The following NKAIN2 variants were observed in gnomAD, a reference collection of about 807,000 sequenced individuals.
NKAIN2 encodes the protein sodium/potassium-transporting ATPase subunit beta-1-interacting protein 2.
A neutral mutation model predicts 32.6 loss-of-function variants in NKAIN2; 14 were observed. The observed-to-expected ratio is 0.43, with a 90% CI of 0.28 to 0.67. NKAIN2 has a LOEUF of 0.67. Among genes scored for constraint, NKAIN2 ranks in the 30% least tolerant of loss-of-function variants. The pLI is 0.17. For synonymous variants in NKAIN2, 80 were observed against 87.2 expected, an observed-to-expected ratio of 0.92 and a Z score of 0.46; for missense variants, 198 against 258.3, an observed-to-expected ratio of 0.77 and a Z score of 1.60.
chr6:124,633,298 A>G (rs1783644336), intron 3 of NKAIN2, among the ~76,000 whole-genome samples: 1 of 152,208 alleles, frequency 6.6e-6, no homozygotes, highest in Non-Finnish European at 1.5e-5. Context: ...TTGTTGTAGC[A>G]TACACTAGGT....
At chr6:124,414,910 T>A (rs943984035) in intron 3 of NKAIN2, among the ~76,000 whole-genome samples, 8 of 152,240 alleles carry the variant, frequency 5.3e-5, no homozygotes, top group South Asian at 2.1e-4. Context: ...ACTGAATATT[T>A]ATAATATTAT....
intron 1 of NKAIN2, among the ~76,000 whole-genome samples, chr6:124,186,751 T>A (rs1040161606): frequency 6.6e-6 from 1 of 152,200 alleles, no homozygotes; most frequent in Non-Finnish European, 1.5e-5. Flanking sequence ...GTCCATGTAT[T>A]CATTTTAAAT....
At chr6:124,360,045 C>T (rs1184735994) in intron 3 of NKAIN2, among the ~76,000 whole-genome samples, 4 of 151,988 alleles carry the variant, frequency 2.6e-5, no homozygotes, top group East Asian at 3.9e-4. Context: ...TGGTTTTTGT[C>T]GTTGGTTCTG....
intron 1 of NKAIN2, among the ~76,000 whole-genome samples, chr6:124,005,329 G>T (rs1313224292): frequency 6.6e-6 from 1 of 151,940 alleles, no homozygotes; most frequent in Non-Finnish European, 1.5e-5. Flanking sequence ...TGTTAATATT[G>T]TTCCTAAAAA....
At chr6:124,477,184 T>C (rs1777253082) in intron 3 of NKAIN2, among the ~76,000 whole-genome samples, 1 of 152,178 alleles carries the variant, frequency 6.6e-6, no homozygotes, top group African/African-American at 2.4e-5. Context: ...AAGGAGAATA[T>C]AAGAGCTATT....
rs746739888 is a variant in NKAIN2 at position 124,659,415 on chromosome 6, TAA to T, written c.474+1039_474+1040del. On this transcript the variant is annotated intron_variant, in intron 4 of 6. Transcript: ENST00000368417. ...GAGAAACATAAAATTCTTCTGGAATTAAAAAAAAAAACTATGTGAGTGTGTCA... is the reference window on the plus strand; with the variant it reads ...GAGAAACATAAAATTCTTCTGGAATTAAAAAAAAACTATGTGAGTGTGTCA... 3.4e-5 allele frequency among the ~76,000 whole-genome samples: 5 copies of T among 147,028 alleles called. No individual in the cohort carries two copies. The Admixed American group carries it at 3.4e-4, about 10-fold the overall frequency.
chr6:124,802,708 G>A (rs1449999251), intron 5 of NKAIN2, among the ~76,000 whole-genome samples: 4 of 152,234 alleles, frequency 2.6e-5, no homozygotes, highest in South Asian at 2.1e-4. Flanking sequence ...TCTCTAAGAT[G>A]CCCAGTTCTG....
At chr6:124,531,219 C>A (rs1324174686) in intron 3 of NKAIN2, among the ~76,000 whole-genome samples, 1 of 152,182 alleles carries the variant, frequency 6.6e-6, no homozygotes, top group Non-Finnish European at 1.5e-5. Context: ...ATGTTTGTTG[C>A]TTAAGCCACC....
rs1781500377 is a variant in NKAIN2 at position 124,824,103 on chromosome 6, C to T, written c.*874C>T. The stretch of plus-strand genomic sequence containing the variant: ...GGGTGGGACAGAGTAAAACATTAAT[C>T]TACTAAACTCACTAATCTACTGGAA... On this transcript the variant is annotated 3_prime_UTR_variant, in exon 7 of 7. Coordinates refer to ENST00000368417, the MANE Select transcript of NKAIN2 (RefSeq NM_001040214.3). 6.6e-6 allele frequency: 1 copy of T among 152,300 alleles called. No homozygotes were observed. Among genetic ancestry groups the T allele is most frequent in the Non-Finnish European group, 1.5e-5 (1 of 68,034 alleles). 9.4% of individuals were successfully genotyped at this position (152,300 alleles called of 1,614,324 possible). A position where few individuals can be genotyped will look rare whatever the true frequency, so the allele number is the denominator to read the frequency against.
chr6:124,352,170 G>T (rs975970195), intron 2 of NKAIN2, among the ~76,000 whole-genome samples: 4 of 152,134 alleles, frequency 2.6e-5, no homozygotes, highest in Non-Finnish European at 5.9e-5. Flanking sequence ...GTTAGGTTCT[G>T]TGTTCTCATT....
chr6:124,406,199 T>C (rs1773853848), intron 3 of NKAIN2, among the ~76,000 whole-genome samples: 1 of 152,156 alleles, frequency 6.6e-6, no homozygotes. Flanking sequence ...GAAAAATTTC[T>C]ACATATGCCT....
rs139804517 is a variant in NKAIN2, at chr6:124,691,806, C to T, written c.474+33420C>T. Among the ~76,000 whole-genome samples, 728 of 152,266 alleles carry T rather than the reference C, an allele frequency of 4.8e-3. 5 individuals carry two copies. The highest frequency in any genetic ancestry group is 0.017 in the African/African-American group (697 of 41,546). ...TCTCACACCACCTCCTCCTACAACA[C>T]AGAATAAGCATAGCCAGGAAATTAA... is the stretch of plus-strand genomic sequence containing the variant. On this transcript the variant is annotated intron_variant, in intron 4 of 6. Transcript: ENST00000368417.
At chr6:124,028,603 G>A (rs1253365157) in intron 1 of NKAIN2, among the ~76,000 whole-genome samples, 1 of 150,824 alleles carries the variant, frequency 6.6e-6, no homozygotes, top group Non-Finnish European at 1.5e-5. Context: ...GCAATATAAC[G>A]AAATGTAATA....
intron 1 of NKAIN2, among the ~76,000 whole-genome samples, chr6:123,934,771 T>G (rs1265066855): frequency 6.6e-6 from 1 of 152,118 alleles, no homozygotes; most frequent in African/African-American, 2.4e-5. Context: ...ACCGTGACAG[T>G]GCTTTTAAAA....
At chr6:124,795,750 GAA>G (rs2114818089) in intron 5 of NKAIN2, among the ~76,000 whole-genome samples, 1 of 152,166 alleles carries the variant, frequency 6.6e-6, no homozygotes, top group Non-Finnish European at 1.5e-5. Context: ...CTCACATGTG[GAA>G]AAGAGGCAAG....
Position 124,294,316 on chromosome 6 carries a change from G to A in NKAIN2, c.192+11174G>A, listed in dbSNP as rs944675808. On this transcript the variant is annotated intron_variant, in intron 2 of 6. Transcript: ENST00000368417. ...TTCCCTTGAGAATTAACCCAGTTCC[G>A]TAAGAGCAGCATTGATCCCTCTCAA... Among the ~76,000 whole-genome samples the A allele has an allele frequency of 6.6e-5, 10 of 152,214 alleles. No individual in the cohort carries two copies. The South Asian group carries it at 8.3e-4, about 13-fold the overall frequency.
At chr6:124,250,174 C>A (rs1360554495) in intron 1 of NKAIN2, among the ~76,000 whole-genome samples, 1 of 152,110 alleles carries the variant, frequency 6.6e-6, no homozygotes, top group Non-Finnish European at 1.5e-5. Flanking sequence ...TAAATCAGAA[C>A]ATGGGTACTC....
intron 5 of NKAIN2, among the ~76,000 whole-genome samples, chr6:124,800,594 G>A (rs567057680): frequency 2.6e-4 from 40 of 152,258 alleles, no homozygotes; most frequent in African/African-American, 8.7e-4. Context: ...TTATAATTAC[G>A]ATTAATTTAA....
At chr6:123,823,019 G>T (rs778960745) in intron 1 of NKAIN2, among the ~76,000 whole-genome samples, 6 of 152,086 alleles carry the variant, frequency 3.9e-5, no homozygotes, top group African/African-American at 7.2e-5. Context: ...GTTCAAAGCA[G>T]CATTTAAGGA....
Sources: gnomAD v4.1 joint callset for allele counts (sites outside exome capture counted in the v4.1 genomes callset) on GRCh38, gnomAD v4.1.1 for gene constraint, MANE v1.5 for transcripts, NCBI Gene and HGNC (gene_info 2026-07-23, HGNC 2026-07-21) for gene names.